The following UBAC2 variants were observed in gnomAD, a reference collection of about 807,000 sequenced individuals.
UBAC2 encodes the protein ubiquitin-associated domain-containing protein 2.
A neutral mutation model predicts 44.0 loss-of-function variants in UBAC2; 26 were observed. The observed-to-expected ratio is 0.59, with a 90% CI of 0.43 to 0.82. The LOEUF (loss-of-function observed/expected upper bound fraction) is 0.82. Among genes scored for constraint, UBAC2 ranks in the 40% least tolerant of loss-of-function variants. The pLI is 0.00. For synonymous variants in UBAC2, 155 were observed against 154.3 expected (o/e 1.00, Z -0.04); for missense variants, 329 against 419.4 (o/e 0.78, Z 1.88).
At position 99,243,930 on chromosome 13, in the gene UBAC2, A is replaced by G. The variant is rs1432784221; in HGVS notation, c.258A>G (p.Arg86=). The G allele has an allele frequency of 6.5e-7, 1 of 1,540,096 alleles. No individual in the cohort carries two copies. Among genetic ancestry groups the G allele is most frequent in the Non-Finnish European group, 8.7e-7 (1 of 1,144,144 alleles). The part of the protein sequence containing the change: ...LIYNFRIFER[R]YGSRKFASFL... ...ATAATTTTAGGATATTTGAAAGAAG[A>G]TATGGAAGCAGAAAATTTGCAGTAA... is the stretch of plus-strand genomic sequence containing the variant. Residue 86 remains arginine (R), a synonymous_variant, in exon 3 of 9, where the codon AGA becomes AGG. Transcript: ENST00000403766.
intron 4 of UBAC2, among the ~76,000 whole-genome samples, chr13:99,284,874 G>A (rs1016377326): frequency 1.3e-5 from 2 of 152,040 alleles, no homozygotes; most frequent in Admixed American, 1.3e-4. Context: ...TGAAAATAAT[G>A]TGTAGTTTTC....
At chr13:99,205,390 T>C (rs568312841) in intron 1 of UBAC2, among the ~76,000 whole-genome samples, 91 of 152,266 alleles carry the variant, frequency 6.0e-4, no homozygotes, top group African/African-American at 1.8e-3. Context: ...GAGGGGTTAC[T>C]CTTGGTCACG....
At chr13:99,317,271 C>G (rs1408416034) in intron 5 of UBAC2, among the ~76,000 whole-genome samples, 6 of 152,176 alleles carry the variant, frequency 3.9e-5, no homozygotes, top group Non-Finnish European at 5.9e-5. Context: ...AAGTAAACCC[C>G]CAATCTGAAG....
chr13:99,218,107 T>G (rs1190982879), intron 1 of UBAC2, among the ~76,000 whole-genome samples: 1 of 152,266 alleles, frequency 6.6e-6, no homozygotes, highest in East Asian at 1.9e-4. Flanking sequence ...ACAGTCATAA[T>G]TTTTTAAACT....
At chr13:99,220,407 G>A (rs2043040999) in intron 1 of UBAC2, among the ~76,000 whole-genome samples, 1 of 152,112 alleles carries the variant, frequency 6.6e-6, no homozygotes, top group Non-Finnish European at 1.5e-5. Context: ...ACAGTGCCTG[G>A]CATAAAATAA....
At chr13:99,333,104 G>GA (rs1422497778) in intron 6 of UBAC2, among the ~76,000 whole-genome samples, 1 of 151,974 alleles carries the variant, frequency 6.6e-6, no homozygotes, top group Non-Finnish European at 1.5e-5. Context: ...TCTGGGGGGG[G>GA]AAGAAAGAGA....
chr13:99,269,762 C>T (rs1290853227), intron 4 of UBAC2, among the ~76,000 whole-genome samples: 2 of 152,126 alleles, frequency 1.3e-5, no homozygotes, highest in Non-Finnish European at 2.9e-5. Flanking sequence ...GCTGTTTTCC[C>T]CTTTCTGAAA....
chr13:99,210,916 T>C lies in UBAC2; in HGVS notation c.31+9977T>C, dbSNP rs574138444. On this transcript the variant is annotated intron_variant, in intron 1 of 8. Coordinates refer to ENST00000403766, the MANE Select transcript of UBAC2 (RefSeq NM_001144072.2). ...TGTGAGCCACCATGCTGGGCCCCGC[T>C]TTTTCCCTTTGTCATAAGCATTCCC... is the stretch of plus-strand genomic sequence containing the variant. 2.6e-5 allele frequency among the ~76,000 whole-genome samples: 4 copies of C among 152,254 alleles called. No homozygotes were observed. The East Asian group carries it at 7.7e-4, about 29-fold the overall frequency.
At chr13:99,331,860 T>A (rs2044720091) in intron 6 of UBAC2, among the ~76,000 whole-genome samples, 2 of 152,038 alleles carry the variant, frequency 1.3e-5, no homozygotes, top group Admixed American at 1.3e-4. Context: ...TCTGTTTTGC[T>A]CCTTACTATG....
intron 4 of UBAC2, among the ~76,000 whole-genome samples, chr13:99,289,551 A>G (rs2138703868): frequency 6.6e-6 from 1 of 152,342 alleles, no homozygotes; most frequent in South Asian, 2.1e-4. Context: ...GGATTAAGGA[A>G]GATTGTTTGC....
At chr13:99,379,307 A>C (rs1437934118) in intron 8 of UBAC2, among the ~76,000 whole-genome samples, 1 of 152,218 alleles carries the variant, frequency 6.6e-6, no homozygotes, top group Non-Finnish European at 1.5e-5. Context: ...CTGGAGCAAT[A>C]AAACCAAAAC....
At chr13:99,255,298 A>G (rs766355278) in intron 4 of UBAC2, 3 of 1,614,052 alleles carry the variant, frequency 1.9e-6, no homozygotes, top group African/African-American at 2.7e-5. Flanking sequence ...AAAAAATGTC[A>G]GTCGAGTGAG....
At chr13:99,373,598 G>A (rs2045439144) in intron 8 of UBAC2, among the ~76,000 whole-genome samples, 1 of 152,206 alleles carries the variant, frequency 6.6e-6, no homozygotes, top group South Asian at 2.1e-4. Context: ...AAGAGCTTGT[G>A]GAAGTGTTCG....
intron 4 of UBAC2, among the ~76,000 whole-genome samples, chr13:99,306,127 C>G (rs947033496): frequency 1.1e-4 from 17 of 152,262 alleles, no homozygotes; most frequent in African/African-American, 3.4e-4. Flanking sequence ...AACTCCTGAT[C>G]TCAGGTGATC....
intron 1 of UBAC2, among the ~76,000 whole-genome samples, chr13:99,203,754 A>G (rs2142632678): frequency 6.6e-6 from 1 of 152,348 alleles, no homozygotes; most frequent in East Asian, 1.9e-4. Context: ...GGACCACTTT[A>G]GCATGCATGG....
rs112680808 is a variant in UBAC2, at chr13:99,228,933, G to C, written c.32-9494G>C. Reference sequence around the variant, plus strand: ...CTTAGACAAGTACAATAACCACAGTGTCAACTGTAACTGGTAAATTCGCCC... The same window carrying C: ...CTTAGACAAGTACAATAACCACAGTCTCAACTGTAACTGGTAAATTCGCCC... On this transcript the variant is annotated intron_variant, in intron 1 of 8. Transcript: ENST00000403766. Among the ~76,000 whole-genome samples the C allele has an allele frequency of 7.4e-3, 1,121 of 152,324 alleles. 9 individuals carry two copies. The highest frequency in any genetic ancestry group is 0.056 in the South Asian group (269 of 4,820).
At chr13:99,323,714 C>G (rs1206354384) in intron 6 of UBAC2, among the ~76,000 whole-genome samples, 1 of 152,214 alleles carries the variant, frequency 6.6e-6, no homozygotes, top group Non-Finnish European at 1.5e-5. Context: ...CTTTCCCACT[C>G]CTGACCACAG....
At chr13:99,335,237 A>C (rs976638136) in intron 6 of UBAC2, among the ~76,000 whole-genome samples, 1 of 152,252 alleles carries the variant, frequency 6.6e-6, no homozygotes, top group Non-Finnish European at 1.5e-5. Context: ...AATTTGTACT[A>C]CATTTTTAAT....
At chr13:99,368,692 T>A (rs1011467208) in intron 8 of UBAC2, among the ~76,000 whole-genome samples, 2,579 of 112,098 alleles carry the variant, frequency 0.023, 74 homozygotes, top group African/African-American at 0.085. Flanking sequence ...TGAGAGAGTG[T>A]GTGTGTGTGT....
Sources: allele counts gnomAD v4.1 joint callset (sites outside exome capture counted in the v4.1 genomes callset), GRCh38; gene constraint gnomAD v4.1.1; transcripts MANE v1.5; gene names NCBI Gene and HGNC (gene_info 2026-07-23, HGNC 2026-07-21).